The following CCDC102A variants were observed in gnomAD, a reference collection of about 807,000 sequenced individuals.
CCDC102A encodes coiled-coil domain-containing protein 102A.
In CCDC102A, 40 loss-of-function variants were observed where a neutral mutation model predicts 55.5. The ratio of observed to expected loss-of-function variants is 0.72; its 90% confidence interval spans 0.56 to 0.94. The LOEUF is 0.94. CCDC102A is among the 40% of genes least tolerant of loss of function. The pLI is 0.00. For synonymous variants in CCDC102A, 323 were observed against 339.0 expected, an observed-to-expected ratio of 0.95 and a Z score of 0.52; for missense variants, 779 against 768.6, an observed-to-expected ratio of 1.01 and a Z score of -0.16.
Position 57,529,259 on chromosome 16 carries a change from A to G in CCDC102A, c.-82T>C. 8.9e-7 allele frequency: 1 copy of G among 1,120,076 alleles called. No homozygotes were observed. The highest frequency in any genetic ancestry group is 1.1e-6 in the Non-Finnish European group (1 of 914,828). The allele number at this position is 1,120,076 out of a possible 1,614,324, so 69.4% of individuals were successfully genotyped here. The stretch of plus-strand genomic sequence containing the variant: ...GGGGACGCGCGGCGGGCGCGATACA[A>G]CTGTGCATGATGACGCCGTGCCCCG... On this transcript the variant is annotated 5_prime_UTR_variant, in exon 2 of 9. Coordinates refer to ENST00000258214, the MANE Select transcript of CCDC102A (RefSeq NM_033212.4). This position sits in a 1 kb window ranked among gnomAD's most constrained non-coding sequence, Gnocchi z 4.1.
chr16:57,514,416 T>C (rs539911824), intron 8 of CCDC102A, among the ~76,000 whole-genome samples: 37 of 152,084 alleles, frequency 2.4e-4, no homozygotes, highest in African/African-American at 8.7e-4. Context: ...GCCCAGGGGG[T>C]CTCAAACTCC....
At chr16:57,521,359 A>C (rs1289011653) in intron 3 of CCDC102A, among the ~76,000 whole-genome samples, 183 bp from the exon 4 acceptor site, 1 of 152,166 alleles carries the variant, frequency 6.6e-6, no homozygotes, top group Non-Finnish European at 1.5e-5. Flanking sequence ...TTCTCCTGGA[A>C]CTGCATTCCC....
intron 1 of CCDC102A, among the ~76,000 whole-genome samples, chr16:57,530,249 C>T (rs1384163378): frequency 1.3e-5 from 2 of 152,184 alleles, no homozygotes; most frequent in African/African-American, 2.4e-5. Flanking sequence ...GCCTCCCCAT[C>T]GCCCAGCACT....
At chr16:57,524,588 T>C (rs937796609) in intron 3 of CCDC102A, among the ~76,000 whole-genome samples, 7 of 127,854 alleles carry the variant, frequency 5.5e-5, no homozygotes, top group Admixed American at 3.7e-4. Context: ...AAAAAATATA[T>C]ATATATATAG....
rs1362410427 is a variant in CCDC102A, at chr16:57,528,734, G to A, written c.444C>T (p.Gly148=). ...GCTCGCGGCCCCGTGCCTCGCACTCGCCCTGCGCCTCTTGGCGCTCGCGCC... is the reference window on the plus strand; with the variant it reads ...GCTCGCGGCCCCGTGCCTCGCACTCACCCTGCGCCTCTTGGCGCTCGCGCC... ...GARRERQEAQ[G]ECEARGRELA... is the part of the protein sequence containing the mutation. The change falls in exon 2 of 9, where the codon GGC becomes GGT. Residue 148 remains glycine (G), a synonymous_variant. Coordinates refer to ENST00000258214, the MANE Select transcript of CCDC102A (RefSeq NM_033212.4). The A allele has an allele frequency of 2.6e-6, 3 of 1,164,488 alleles. No individual in the cohort carries two copies. Among genetic ancestry groups the A allele is most frequent in the South Asian group, 2.3e-5 (1 of 42,692 alleles). 72.1% of individuals were successfully genotyped at this position (1,164,488 alleles called of 1,614,324 possible). A position where few individuals can be genotyped will look rare whatever the true frequency, so the allele number is the denominator to read the frequency against.
In CCDC102A at chr16:57,512,614, G is replaced by A; in HGVS notation, c.*127C>T. The A allele has an allele frequency of 8.3e-7, 1 of 1,210,458 alleles. No homozygotes were observed. The highest frequency in any genetic ancestry group is 1.1e-6 in the Non-Finnish European group (1 of 873,462). 75.0% of individuals were successfully genotyped at this position (1,210,458 alleles called of 1,614,324 possible). On this transcript the variant is annotated 3_prime_UTR_variant, in exon 9 of 9. Coordinates refer to ENST00000258214, the MANE Select transcript of CCDC102A (RefSeq NM_033212.4). ...GACTGTTGACGCCATCCCTGGGAGAGAAGAAAGTCGGCTGTGGCAGGGACT... is the reference window on the plus strand; with the variant it reads ...GACTGTTGACGCCATCCCTGGGAGAAAAGAAAGTCGGCTGTGGCAGGGACT...
chr16:57,518,922 T>C (rs2032003409), intron 4 of CCDC102A, among the ~76,000 whole-genome samples, 181 bp from the exon 5 acceptor site: 1 of 151,854 alleles, frequency 6.6e-6, no homozygotes, highest in Non-Finnish European at 1.5e-5. Flanking sequence ...TCCCAATGTC[T>C]CTCCTCCTCA....
chr16:57,534,173 G>A (rs1382029393), intron 1 of CCDC102A, among the ~76,000 whole-genome samples: 3 of 151,976 alleles, frequency 2.0e-5, no homozygotes, highest in Non-Finnish European at 4.4e-5. Context: ...CCCCCACCTG[G>A]GGACCACAGC....
chr16:57,516,156 C>G lies in CCDC102A; in HGVS notation c.1419+137G>C, dbSNP rs533215549. On this transcript the variant is annotated intron_variant, in intron 7 of 8. Coordinates refer to ENST00000258214, the MANE Select transcript of CCDC102A (RefSeq NM_033212.4). This position sits in a 1 kb window ranked among gnomAD's most constrained non-coding sequence, Gnocchi z 4.4. ...TCCATTCATCACGCACCTACCCACT[C>G]TATCCTGGGCGACTCCTGAGAGACA... 8.7e-6 allele frequency: 7 copies of G among 802,992 alleles called. No individual in the cohort carries two copies. Among genetic ancestry groups the G allele is most frequent in the Admixed American group, 5.3e-5 (2 of 38,076 alleles). The allele number at this position is 802,992 out of a possible 1,614,324, so 49.7% of individuals were successfully genotyped here.
In CCDC102A at chr16:57,521,050, C is replaced by T; in HGVS notation, c.921+18G>A. ...ATCCTGCCGCCTCCAGGAAGACCCT[C>T]TGGTCTCCAAGACTCACCTGCTTGA... On this transcript the variant is annotated intron_variant, in intron 4 of 8. Coordinates refer to ENST00000258214, the MANE Select transcript of CCDC102A (RefSeq NM_033212.4). The T allele has an allele frequency of 6.4e-7, 1 of 1,558,760 alleles. No individual in the cohort carries two copies.
At position 57,528,963 on chromosome 16, in the gene CCDC102A, C is replaced by T. The variant is rs767457149; in HGVS notation, c.215G>A (p.Arg72His). Residue 72 changes from arginine to histidine, a missense_variant, in exon 2 of 9, where the codon CGC becomes CAC. Arg to His is a conservative substitution (Grantham distance 29). Transcript: ENST00000258214. ...ALLADGDWES[R>H]EELRLRELEE... ...CAGCTCCCGCAGCCGCAGCTCCTCG[C>T]GGCTCTCCCAGTCGCCGTCGGCCAG... 7.4e-6 allele frequency: 10 copies of T among 1,343,750 alleles called. 1 individual carries two copies. The Admixed American group carries it at 2.6e-4, about 35-fold the overall frequency. 83.2% of individuals were successfully genotyped at this position (1,343,750 alleles called of 1,614,324 possible).
chr16:57,515,389 G>T lies in CCDC102A; in HGVS notation c.1475C>A (p.Thr492Lys), dbSNP rs767920683. 3 of 1,609,382 alleles carry T rather than the reference G, an allele frequency of 1.9e-6. No homozygotes were observed. Among genetic ancestry groups the T allele is most frequent in the Non-Finnish European group, 1.7e-6 (2 of 1,179,002 alleles). The change falls in exon 8 of 9, where the codon ACG (threonine) becomes AAG (lysine). Residue 492 changes from threonine to lysine, a missense_variant. Coordinates refer to ENST00000258214, the MANE Select transcript of CCDC102A (RefSeq NM_033212.4). Reference protein sequence around the residue: ...RKLQRSLDEQTEQSENLQVQL... With the variant: ...RKLQRSLDEQKEQSENLQVQL... Reference sequence around the variant, plus strand: ...CACTTGCAGGTTCTCGCTCTGCTCCGTCTGCTCGTCCAGCGACCGCTGCAG... The same window carrying T: ...CACTTGCAGGTTCTCGCTCTGCTCCTTCTGCTCGTCCAGCGACCGCTGCAG...
chr16:57,524,596 T>C (rs676991), intron 3 of CCDC102A, among the ~76,000 whole-genome samples: 1 of 148,636 alleles, frequency 6.7e-6, no homozygotes. Flanking sequence ...TATATATATA[T>C]AGAGAGAGAG....
In CCDC102A at chr16:57,529,978, C is replaced by T. The variant is rs2032225110; in HGVS notation, c.-147-654G>A. 6.6e-6 allele frequency among the ~76,000 whole-genome samples: 1 copy of T among 152,204 alleles called. No homozygotes were observed. Among genetic ancestry groups the T allele is most frequent in the African/African-American group, 2.4e-5 (1 of 41,438 alleles). Reference sequence around the variant, plus strand: ...GTGCCCAGGGCTTTAGGTGAACGATCTCATTTATTCCTTAAAGAGTGGAGG... The same window carrying T: ...GTGCCCAGGGCTTTAGGTGAACGATTTCATTTATTCCTTAAAGAGTGGAGG... On this transcript the variant is annotated intron_variant, in intron 1 of 8. Transcript: ENST00000258214. This position sits in a 1 kb window ranked among gnomAD's most constrained non-coding sequence, Gnocchi z 4.1.
At chr16:57,531,873 G>C (rs1258251388) in intron 1 of CCDC102A, among the ~76,000 whole-genome samples, 4 of 151,774 alleles carry the variant, frequency 2.6e-5, no homozygotes, top group Non-Finnish European at 5.9e-5. Context: ...TTCAACTATG[G>C]AGCCAGGCAT....
chr16:57,536,178 G>C (rs929984285), intron 1 of CCDC102A, among the ~76,000 whole-genome samples: 3 of 152,040 alleles, frequency 2.0e-5, no homozygotes, highest in Non-Finnish European at 2.9e-5. Flanking sequence ...TGGGTCCCCC[G>C]GGAGAGTCCC....
chr16:57,515,758 G>A (rs2031944673), intron 7 of CCDC102A, among the ~76,000 whole-genome samples: 1 of 150,802 alleles, frequency 6.6e-6, no homozygotes, highest in Admixed American at 6.7e-5. Flanking sequence ...ATATTCATCT[G>A]CCCATGGAGA....
chr16:57,514,203 CTTTT>C (rs2031915622), intron 8 of CCDC102A, among the ~76,000 whole-genome samples: 1 of 152,128 alleles, frequency 6.6e-6, no homozygotes, highest in African/African-American at 2.4e-5. Context: ...TGTTTTCTTT[CTTTT>C]TTTCTTAGAG....
At chr16:57,522,081 C>T (rs2032061687) in intron 3 of CCDC102A, among the ~76,000 whole-genome samples, 1 of 152,248 alleles carries the variant, frequency 6.6e-6, no homozygotes, top group Non-Finnish European at 1.5e-5. Context: ...CTACTGAATG[C>T]ATGCACAGCC....
Sources: gnomAD v4.1 joint callset for allele counts (sites outside exome capture counted in the v4.1 genomes callset) on GRCh38, gnomAD v4.1.1 for gene constraint, Gnocchi (gnomAD v3.1) non-coding constraint, MANE v1.5 for transcripts, NCBI Gene and HGNC (gene_info 2026-07-23, HGNC 2026-07-21) for gene names.